Variants in NFAM1 observed in about 807,000 individuals in gnomAD.
NFAM1 encodes NFAT activating protein with ITAM motif 1.
In NFAM1, 17 loss-of-function variants were observed where a neutral mutation model predicts 29.0. That is an observed-to-expected ratio of 0.59 (90% CI 0.40 to 0.88). The LOEUF is 0.88. Among genes scored for constraint, NFAM1 ranks in the 40% least tolerant of loss-of-function variants. The pLI is 0.00. For synonymous variants in NFAM1, 175 were observed against 147.2 expected, an observed-to-expected ratio of 1.19 and a Z score of -1.36; for missense variants, 324 against 344.6, an observed-to-expected ratio of 0.94 and a Z score of 0.47.
Position 42,397,930 on chromosome 22 carries a change from G to T in NFAM1, c.591C>A (p.Asp197Glu), listed in dbSNP as rs781714390. ...TTGGATCTGGGCACTTCCTGGTGGG[G>T]TCCTTCCCTGGACCCCGCATCCGCT... Reference protein sequence around the residue: ...NKKRMRGPGKDPTRKCPDPRS... With the variant: ...NKKRMRGPGKEPTRKCPDPRS... Residue 197 changes from aspartate to glutamate, a missense_variant, in exon 4 of 6, where the codon GAC (aspartate) becomes GAA (glutamate). Asp to Glu is a conservative substitution (Grantham distance 45). Coordinates refer to ENST00000329021, the MANE Select transcript of NFAM1 (RefSeq NM_145912.8). 8 of 1,608,858 alleles carry T rather than the reference G, an allele frequency of 5.0e-6. No homozygotes were observed. Among genetic ancestry groups the T allele is most frequent in the Non-Finnish European group, 6.8e-6 (8 of 1,177,066 alleles).
intron 3 of NFAM1, among the ~76,000 whole-genome samples, chr22:42,399,704 C>T (rs1276888249): frequency 6.6e-6 from 1 of 152,148 alleles, no homozygotes; most frequent in Non-Finnish European, 1.5e-5. Flanking sequence ...CGAGGCGGTA[C>T]AGGCAGCCCT....
chr22:42,385,084 C>G lies in NFAM1; in HGVS notation c.*77G>C. ...GTCCCTGGGGGCCTTACTCCCAACT[C>G]AGATCAAGTCCTTTGGTGGCAGGGG... On this transcript the variant is annotated 3_prime_UTR_variant, in exon 6 of 6. Coordinates refer to ENST00000329021, the MANE Select transcript of NFAM1 (RefSeq NM_145912.8). The G allele has an allele frequency of 9.1e-7, 1 of 1,102,470 alleles. No homozygotes were observed. 68.3% of individuals were successfully genotyped at this position (1,102,470 alleles called of 1,614,324 possible).
chr22:42,411,441 C>T lies in NFAM1; in HGVS notation c.417G>A (p.Thr139=), dbSNP rs778982026. The change falls in exon 2 of 6, where the codon ACG becomes ACA. Residue 139 remains threonine, a synonymous_variant. Coordinates refer to ENST00000329021, the MANE Select transcript of NFAM1 (RefSeq NM_145912.8). The stretch of plus-strand genomic sequence containing the variant: ...GGATGAAGGTGCCGCTGCCTCTCAC[C>T]GTGGAGTGTGGCCAGTGGACAGAGC... ...YYCSVHWPHS[T]VRGSGTFILV... is the part of the protein sequence containing the mutation. 15 of 1,613,968 alleles carry T rather than the reference C, an allele frequency of 9.3e-6. No homozygotes were observed. Among genetic ancestry groups the T allele is most frequent in the African/African-American group, 2.7e-5 (2 of 74,944 alleles).
intron 3 of NFAM1, among the ~76,000 whole-genome samples, chr22:42,404,126 C>T (rs1219016593): frequency 6.6e-6 from 1 of 152,266 alleles, no homozygotes; most frequent in Non-Finnish European, 1.5e-5. Context: ...CTCCCATCTT[C>T]CCGGGGGTGT....
rs869262500 is a variant in NFAM1 at position 42,419,990 on chromosome 22, G to GTTTTTTTTTTTTTTTTTTTTTTTTTTTT, written c.122-8282_122-8255dup. 3.3e-5 allele frequency among the ~76,000 whole-genome samples: 1 copy of GTTTTTTTTTTTTTTTTTTTTTTTTTTTT among 30,522 alleles called. No homozygotes were observed. Among genetic ancestry groups the GTTTTTTTTTTTTTTTTTTTTTTTTTTTT allele is most frequent in the Non-Finnish European group, 5.6e-5 (1 of 17,916 alleles). The allele number at this position is 30,522 out of a possible 152,430, so 20.0% of individuals were successfully genotyped here. ...CTTTGAGTCTGTAATCCCACTCTTG[G>GTTTTTTTTTTTTTTTTTTTTTTTTTTTT]TTTTTTTTTTTTTTTTTTTTTTTTT... On this transcript the variant is annotated intron_variant, in intron 1 of 5. Transcript: ENST00000329021. The surrounding 1 kb of genome is among the most constrained non-coding windows in gnomAD (Gnocchi z 4.5).
At chr22:42,426,905 G>T (rs1930640806) in intron 1 of NFAM1, among the ~76,000 whole-genome samples, 1 of 152,138 alleles carries the variant, frequency 6.6e-6, no homozygotes, top group Non-Finnish European at 1.5e-5. Context: ...GGGGTCCCAG[G>T]TGCCACGCCC....
chr22:42,394,340 C>T lies in NFAM1; in HGVS notation c.663+3518G>A, dbSNP rs901728710. The stretch of plus-strand genomic sequence containing the variant: ...GGGGTAAGCCACTGCGCTCAGCCCT[C>T]CATGTCCTTATTGATCCTTATTAAT... On this transcript the variant is annotated intron_variant, in intron 4 of 5. Coordinates refer to ENST00000329021, the MANE Select transcript of NFAM1 (RefSeq NM_145912.8). Among the ~76,000 whole-genome samples, 12 of 151,866 alleles carry T rather than the reference C, an allele frequency of 7.9e-5. No homozygotes were observed. The East Asian group carries it at 2.3e-3, about 30-fold the overall frequency.
chr22:42,400,221 C>G (rs1315033467), intron 3 of NFAM1, among the ~76,000 whole-genome samples: 1 of 152,212 alleles, frequency 6.6e-6, no homozygotes, highest in Non-Finnish European at 1.5e-5. Context: ...GCAGTGCTGG[C>G]GTCTGTGTAG....
intron 1 of NFAM1, among the ~76,000 whole-genome samples, chr22:42,414,880 A>G (rs767152706): frequency 7.7e-4 from 118 of 152,320 alleles, no homozygotes; most frequent in Non-Finnish European, 4.3e-4. Context: ...TGTCTGAGGT[A>G]TCCTTCTAGA....
At chr22:42,415,279 TTTC>T (rs1266266911) in intron 1 of NFAM1, among the ~76,000 whole-genome samples, 1 of 146,092 alleles carries the variant, frequency 6.8e-6, no homozygotes, top group Non-Finnish European at 1.5e-5. Context: ...TACACCTTCC[TTTC>T]TTTCTTTCTT....
chr22:42,399,768 G>C (rs879713621), intron 3 of NFAM1, among the ~76,000 whole-genome samples: 2 of 152,162 alleles, frequency 1.3e-5, no homozygotes, highest in Non-Finnish European at 2.9e-5. Flanking sequence ...GGCACCACAC[G>C]GCCACTGCTG....
chr22:42,416,931 A>G (rs1930279078), intron 1 of NFAM1, among the ~76,000 whole-genome samples: 1 of 151,896 alleles, frequency 6.6e-6, no homozygotes, highest in African/African-American at 2.4e-5. Flanking sequence ...CAGGGTGGAT[A>G]CCAGACGCCG....
chr22:42,416,154 C>T (rs1038815696), intron 1 of NFAM1, among the ~76,000 whole-genome samples: 2 of 152,206 alleles, frequency 1.3e-5, no homozygotes, highest in African/African-American at 2.4e-5. Flanking sequence ...CGATCCTAGG[C>T]GGCAACTATT....
chr22:42,411,744 G>A lies in NFAM1; in HGVS notation c.122-8C>T, dbSNP rs1360371912. On this transcript the variant is annotated splice_region_variant and splice_polypyrimidine_tract_variant and intron_variant, in intron 1 of 5. Transcript: ENST00000329021. ...GGGTCACTGACTGTCCTCCTGGAGG[G>A]GAAGCAAAGGGAGAGAGCAACAGGT... The A allele has an allele frequency of 1.9e-6, 3 of 1,603,220 alleles. No individual in the cohort carries two copies. The highest frequency in any genetic ancestry group is 1.1e-5 in the South Asian group (1 of 90,712).
chr22:42,415,386 A>C (rs879536674), intron 1 of NFAM1, among the ~76,000 whole-genome samples: 13 of 133,882 alleles, frequency 9.7e-5, no homozygotes, highest in Non-Finnish European at 1.5e-4. Context: ...TGCAAACTCT[A>C]CCTCCTGGGT....
At chr22:42,413,856 T>G (rs1930172087) in intron 1 of NFAM1, among the ~76,000 whole-genome samples, 1 of 152,026 alleles carries the variant, frequency 6.6e-6, no homozygotes, top group Non-Finnish European at 1.5e-5. Flanking sequence ...GAGTTCAAGA[T>G]CAGTTTGGCC....
At chr22:42,434,050 C>A (rs1264815172), upstream of NFAM1, among the ~76,000 whole-genome samples, 1 of 152,144 alleles carries the variant, frequency 6.6e-6, no homozygotes, top group Non-Finnish European at 1.5e-5. Context: ...TCCGCTCCTG[C>A]CCCTGTGCCA....
Position 42,419,989 on chromosome 22 carries a change from G to GTTTTTTTTTTTTTTTTTT in NFAM1, c.122-8254_122-8253insAAAAAAAAAAAAAAAAAA, listed in dbSNP as rs1491236869. Among the ~76,000 whole-genome samples, 10 of 56,548 alleles carry GTTTTTTTTTTTTTTTTTT rather than the reference G, an allele frequency of 1.8e-4. 5 individuals are homozygous for GTTTTTTTTTTTTTTTTTT. The highest frequency in any genetic ancestry group is 2.0e-4 in the Non-Finnish European group (6 of 29,698). 37.1% of individuals were successfully genotyped at this position (56,548 alleles called of 152,430 possible). On this transcript the variant is annotated intron_variant, in intron 1 of 5. Transcript: ENST00000329021. The surrounding 1 kb of genome is among the most constrained non-coding windows in gnomAD (Gnocchi z 4.5). ...CCTTTGAGTCTGTAATCCCACTCTT[G>GTTTTTTTTTTTTTTTTTT]GTTTTTTTTTTTTTTTTTTTTTTTT...
chr22:42,436,002 TAG>T (rs1930931565), upstream of NFAM1, among the ~76,000 whole-genome samples: 1 of 151,856 alleles, frequency 6.6e-6, no homozygotes, highest in African/African-American at 2.4e-5. Flanking sequence ...GTATTTTTAG[TAG>T]AGATAGGGTT....
Sources: gnomAD v4.1 joint callset for allele counts (sites outside exome capture counted in the v4.1 genomes callset) on GRCh38, gnomAD v4.1.1 for gene constraint, Gnocchi (gnomAD v3.1) non-coding constraint, MANE v1.5 for transcripts, NCBI Gene and HGNC (gene_info 2026-07-23, HGNC 2026-07-21) for gene names.